The following MGA variants were observed in gnomAD, a reference collection of about 807,000 sequenced individuals.
MGA encodes MAX dimerization protein MGA.
In MGA, 40 loss-of-function variants were observed where a neutral mutation model predicts 261.1. The observed-to-expected ratio is 0.15, with a 90% CI of 0.12 to 0.20. The LOEUF is 0.20. Ranked by LOEUF, MGA falls within the 10% of genes least tolerant of loss-of-function variation. The pLI, the probability that MGA is intolerant of heterozygous loss-of-function variation, is 1.00. For missense variants in MGA, 3,397 were observed against 3,630.5 expected, an observed-to-expected ratio of 0.94 and a Z score of 1.65; for synonymous variants, 1,302 against 1,290.6, an observed-to-expected ratio of 1.01 and a Z score of -0.19.
At position 41,674,532 on chromosome 15, in the gene MGA, T is replaced by TA. The variant is rs1595665529; in HGVS notation, c.1064+4574_1064+4575insA. 4.6e-5 allele frequency among the ~76,000 whole-genome samples: 7 copies of TA among 151,748 alleles called. No individual in the cohort carries two copies. The East Asian group carries it at 7.7e-4, about 17-fold the overall frequency. ...TTATTCTTATTTTTATTTTTATTTT[T>TA]TTTTTTAGACAGAGTCTTGCTGTGT... On this transcript the variant is annotated intron_variant, in intron 2 of 23. Transcript: ENST00000219905.
chr15:41,728,432 C>G (rs2061356415), intron 10 of MGA, among the ~76,000 whole-genome samples: 1 of 152,174 alleles, frequency 6.6e-6, no homozygotes, highest in Non-Finnish European at 1.5e-5. Context: ...CAAAACTGAA[C>G]TCTTAATAGT....
intron 2 of MGA, among the ~76,000 whole-genome samples, chr15:41,682,372 A>G (rs1269431484): frequency 2.0e-5 from 3 of 152,034 alleles, no homozygotes; most frequent in African/African-American, 4.8e-5. Context: ...TCCTTTGCCA[A>G]TCTGATCTGG....
chr15:41,748,661 C>T lies in MGA; in HGVS notation c.5237C>T (p.Ala1746Val), dbSNP rs1475052427. 6.2e-7 allele frequency: 1 copy of T among 1,613,028 alleles called. No homozygotes were observed. Among genetic ancestry groups the T allele is most frequent in the Non-Finnish European group, 8.5e-7 (1 of 1,179,416 alleles). The change falls in exon 16 of 24, where the codon GCT becomes GTT. Residue 1746 changes from alanine to valine, a missense_variant. Transcript: ENST00000219905. Reference sequence around the variant, plus strand: ...GAAAATGCTGCTCAAATTCCAGTGGCTACTCCACAGGTCTCTCCTAACACA... The same window carrying T: ...GAAAATGCTGCTCAAATTCCAGTGGTTACTCCACAGGTCTCTCCTAACACA...
upstream of MGA, among the ~76,000 whole-genome samples, chr15:41,656,377 T>TCTCTCTCTCTCTCTCTTTCA (rs1555403733): frequency 1.5e-5 from 1 of 68,276 alleles, no homozygotes; most frequent in African/African-American, 3.8e-5. Context: ...TCTCTCTCTC[T>TCTCTCTCTCTCTCTCTTTCA]CACACCCAGG....
At chr15:41,687,701 T>G (rs1314752630) in intron 2 of MGA, among the ~76,000 whole-genome samples, 1 of 152,248 alleles carries the variant, frequency 6.6e-6, no homozygotes, top group African/African-American at 2.4e-5. Flanking sequence ...TTAAAACCTT[T>G]GGAAATTATC....
At chr15:41,758,386 T>TA (rs1161514949) in intron 19 of MGA, among the ~76,000 whole-genome samples, 1 of 152,012 alleles carries the variant, frequency 6.6e-6, no homozygotes, top group Non-Finnish European at 1.5e-5. Flanking sequence ...TTTAAAAGAT[T>TA]AAAAAAAGAC....
At chr15:41,670,530 G>A (rs1350203954) in intron 2 of MGA, among the ~76,000 whole-genome samples, 2 of 152,078 alleles carry the variant, frequency 1.3e-5, no homozygotes, top group Non-Finnish European at 2.9e-5. Flanking sequence ...TTTTGAGATG[G>A]AGTCTCGCTC....
chr15:41,631,036 T>G (rs1199303265), intron 1 of MGA, among the ~76,000 whole-genome samples: 2 of 152,134 alleles, frequency 1.3e-5, no homozygotes, highest in East Asian at 1.9e-4. Context: ...ACAAAAGAAA[T>G]AAAAGGCATT....
intron 19 of MGA, chr15:41,760,100 C>T: frequency 4.1e-6 from 2 of 491,656 alleles, no homozygotes; most frequent in South Asian, 5.6e-5. Flanking sequence ...GAACTGAGAG[C>T]TGGTAAGATC....
At chr15:41,713,018 C>T in intron 8 of MGA, 133 bp from the exon 9 acceptor site, 1 of 1,308,316 alleles carries the variant, frequency 7.6e-7, no homozygotes, top group South Asian at 1.5e-5. Flanking sequence ...ATGTTCTGTC[C>T]TTTGAATCTG....
Position 41,767,390 on chromosome 15 carries a change from A to G in MGA, c.*110A>G, listed in dbSNP as rs150870891. On this transcript the variant is annotated 3_prime_UTR_variant, in exon 24 of 24. Coordinates refer to ENST00000219905, the MANE Select transcript of MGA (RefSeq NM_001164273.2). ...CTTAGAACTTGGATCCTTGACTTCA[A>G]TGATGCAGTGGATAATGATGGGAGA... The G allele has an allele frequency of 1.4e-3, 1,581 of 1,136,916 alleles. 9 individuals carry two copies. The East Asian group carries it at 0.018, about 13-fold the overall frequency. The allele number at this position is 1,136,916 out of a possible 1,614,324, so 70.4% of individuals were successfully genotyped here.
intron 5 of MGA, among the ~76,000 whole-genome samples, chr15:41,701,052 T>A (rs572414304): frequency 6.6e-6 from 1 of 152,374 alleles, no homozygotes; most frequent in Admixed American, 6.5e-5. Context: ...GTGGGCTGAT[T>A]GCTGTGGATT....
At chr15:41,715,973 T>G (rs2060613839) in intron 9 of MGA, among the ~76,000 whole-genome samples, 1 of 152,188 alleles carries the variant, frequency 6.6e-6, no homozygotes, top group Non-Finnish European at 1.5e-5. Context: ...CCTCTTAGGC[T>G]TTACTGCTTT....
intron 13 of MGA, among the ~76,000 whole-genome samples, chr15:41,738,364 C>T (rs1428485946): frequency 6.6e-6 from 1 of 152,190 alleles, no homozygotes; most frequent in African/African-American, 2.4e-5. Context: ...CACTGCATTC[C>T]AGCCTGGGCG....
rs777656122 is a variant in MGA, at chr15:41,711,028, C to T, written c.2763C>T (p.Tyr921=). 2.5e-6 allele frequency: 4 copies of T among 1,613,992 alleles called. No individual in the cohort carries two copies. In the South Asian group the frequency reaches 3.3e-5, roughly 13 times the overall value. Residue 921 remains tyrosine, a synonymous_variant, in exon 8 of 24, where the codon TAC becomes TAT. Transcript: ENST00000219905. ...CATCTTATAAATCCATTTTACCATA[C>T]CCTGTTTCACCAAAGCAGAAATACT...
At position 41,743,140 on chromosome 15, in the gene MGA, T is replaced by A. The variant is rs779056104; in HGVS notation, c.5180T>A (p.Ile1727Asn). Residue 1727 changes from isoleucine (I) to asparagine (N), a missense_variant, in exon 15 of 24, where the codon ATT (isoleucine) becomes AAT (asparagine). Coordinates refer to ENST00000219905, the MANE Select transcript of MGA (RefSeq NM_001164273.2). ...TCTGTTCCTATTATACTCTCAGGAA[T>A]TAATGGGAGTCCACCAGTGAGCCAG... 4 of 1,612,212 alleles carry A rather than the reference T, an allele frequency of 2.5e-6. No homozygotes were observed. The East Asian group carries it at 8.9e-5, about 36-fold the overall frequency.
intron 2 of MGA, among the ~76,000 whole-genome samples, chr15:41,674,998 G>A (rs551446521): frequency 8.5e-5 from 13 of 152,222 alleles, no homozygotes; most frequent in African/African-American, 2.9e-4. Flanking sequence ...GGAAACCTCT[G>A]CATTGTTTTT....
chr15:41,680,424 C>T (rs2058607278), intron 2 of MGA, among the ~76,000 whole-genome samples: 1 of 151,962 alleles, frequency 6.6e-6, no homozygotes, highest in African/African-American at 2.4e-5. Context: ...GAATAAGAAC[C>T]CATAGTTGGT....
chr15:41,742,697 AC>A lies in MGA; in HGVS notation c.4739del (p.Pro1580LeufsTer14). On this transcript the variant is annotated frameshift_variant, in exon 15 of 24. Transcript: ENST00000219905. LOFTEE classifies it high-confidence loss of function. ...GACCTTCTCCAGTAATGGTCGTCAC[AC>A]CTGTGGTTTCTTCTGAGCCAGTTCA... 1 of 1,613,924 alleles carries A rather than the reference AC, an allele frequency of 6.2e-7. No individual in the cohort carries two copies.
Sources: gnomAD v4.1 joint callset for allele counts (sites outside exome capture counted in the v4.1 genomes callset) on GRCh38, gnomAD v4.1.1 for gene constraint, MANE v1.5 for transcripts, NCBI Gene and HGNC (gene_info 2026-07-23, HGNC 2026-07-21) for gene names.